FOXP2: variants seen among roughly 807,000 people sequenced by gnomAD.
FOXP2 encodes the protein forkhead box protein P2.
FOXP2 carries 12 observed loss-of-function variants against 115.8 expected under a neutral mutation model. That is an observed-to-expected ratio of 0.10 (90% CI 0.07 to 0.17). The LOEUF (loss-of-function observed/expected upper bound fraction) is 0.17. Ranked by LOEUF, FOXP2 falls within the 10% of genes least tolerant of loss-of-function variation. FOXP2 has a pLI of 1.00. For missense variants in FOXP2, 629 were observed against 843.5 expected (o/e 0.75, Z 3.15); for synonymous variants, 328 against 297.7 (o/e 1.10, Z -1.05).
intron 2 of FOXP2, among the ~76,000 whole-genome samples, chr7:114,476,916 A>G (rs1305113678): frequency 6.6e-6 from 1 of 151,974 alleles, no homozygotes; most frequent in Non-Finnish European, 1.5e-5. Context: ...CAGCATCACT[A>G]ATCATCAAAT....
rs139605384 is a variant in FOXP2, at chr7:114,647,598, T to C, written c.1094+2809T>C. On this transcript the variant is annotated intron_variant, in intron 8 of 16. Transcript: ENST00000350908. ...TGAGGAAAATTTTTGAGTTTTAGTG[T>C]AAAGTAGGTGTTGACAGAAGCTAAC... is the stretch of plus-strand genomic sequence containing the variant. Among the ~76,000 whole-genome samples, 8 of 152,030 alleles carry C rather than the reference T, an allele frequency of 5.3e-5. No homozygotes were observed. In the East Asian group the frequency reaches 1.5e-3, roughly 29 times the overall value.
rs144897634 is a variant in FOXP2 at position 114,206,387 on chromosome 7, T to G, written c.-102+43299T>G. ...GACCTGTTGACCTCCTGTCAGTTTC[T>G]CAAACATGCCAGGTTATCTCCTGGT... On this transcript the variant is annotated intron_variant, in intron 1 of 17. Coordinates refer to the FOXP2 transcript ENST00000634411. Among the ~76,000 whole-genome samples the G allele has an allele frequency of 1.5e-3, 230 of 152,264 alleles. 1 individual carries two copies. The highest frequency in any genetic ancestry group is 5.2e-3 in the African/African-American group (216 of 41,548).
intron 2 of FOXP2, among the ~76,000 whole-genome samples, chr7:114,511,313 C>G (rs965239119): frequency 1.3e-5 from 2 of 152,050 alleles, no homozygotes; most frequent in African/African-American, 2.4e-5. Context: ...ATGGAACAAG[C>G]CTGCACGTTC....
intron 2 of FOXP2, among the ~76,000 whole-genome samples, chr7:114,430,820 A>T: frequency 6.6e-6 from 1 of 151,850 alleles, no homozygotes; most frequent in East Asian, 1.9e-4. Flanking sequence ...TACTCGCTTA[A>T]TCTCAATTGA....
chr7:114,475,229 A>T (rs1199668198), intron 2 of FOXP2, among the ~76,000 whole-genome samples: 1 of 152,102 alleles, frequency 6.6e-6, no homozygotes, highest in African/African-American at 2.4e-5. Flanking sequence ...TCAAATTTTT[A>T]AAAATATTTT....
chr7:114,498,861 T>C, intron 2 of FOXP2: 1 of 718,020 alleles, frequency 1.4e-6, no homozygotes, highest in Non-Finnish European at 2.6e-6. Flanking sequence ...ACTGTCCTTG[T>C]TGGGCATCTT....
At chr7:114,417,886 G>A (rs1793418050) in intron 1 of FOXP2, among the ~76,000 whole-genome samples, 1 of 151,926 alleles carries the variant, frequency 6.6e-6, no homozygotes, top group Non-Finnish European at 1.5e-5. Context: ...ATGATACTAT[G>A]AAAGAAATAC....
At chr7:114,482,705 A>G (rs1245753205) in intron 2 of FOXP2, among the ~76,000 whole-genome samples, 1 of 151,620 alleles carries the variant, frequency 6.6e-6, no homozygotes, top group Admixed American at 6.6e-5. Context: ...TGCACAGCAC[A>G]CATGCTCAAT....
At chr7:114,317,083 A>G (rs1033216003) in intron 2 of FOXP2, among the ~76,000 whole-genome samples, 2 of 152,102 alleles carry the variant, frequency 1.3e-5, no homozygotes, top group South Asian at 2.1e-4. Flanking sequence ...ATTTTCAGCT[A>G]TTTGTTTCTG....
At chr7:114,514,208 T>C (rs551271101) in intron 2 of FOXP2, among the ~76,000 whole-genome samples, 1 of 152,210 alleles carries the variant, frequency 6.6e-6, no homozygotes, top group African/African-American at 2.4e-5. Context: ...CATTGCAGAA[T>C]GACTAAATTG....
intron 16 of FOXP2, among the ~76,000 whole-genome samples, chr7:114,687,576 G>A (rs1029442582): frequency 3.3e-5 from 5 of 152,188 alleles, no homozygotes; most frequent in East Asian, 1.9e-4. Context: ...GCAAATTAAA[G>A]CTGTAAGCTA....
intron 2 of FOXP2, among the ~76,000 whole-genome samples, chr7:114,341,284 T>C (rs1446134841): frequency 1.3e-5 from 2 of 151,282 alleles, no homozygotes; most frequent in African/African-American, 4.8e-5. Flanking sequence ...TGCAATGTTT[T>C]CTAACTCAGT....
At chr7:114,683,947 G>A (rs1341657227) in intron 16 of FOXP2, among the ~76,000 whole-genome samples, 1 of 151,970 alleles carries the variant, frequency 6.6e-6, no homozygotes, top group African/African-American at 2.4e-5. Flanking sequence ...TTTTATACAG[G>A]GCAGTGGCAT....
At chr7:114,240,161 G>C (rs1425374351) in intron 1 of FOXP2, among the ~76,000 whole-genome samples, 1 of 152,098 alleles carries the variant, frequency 6.6e-6, no homozygotes, top group Admixed American at 6.6e-5. Flanking sequence ...TCCTTGCTTT[G>C]TAGAAGCAAA....
chr7:114,145,316 T>A (rs1792333792), intron 1 of FOXP2, among the ~76,000 whole-genome samples: 1 of 152,170 alleles, frequency 6.6e-6, no homozygotes, highest in South Asian at 2.1e-4. Flanking sequence ...AAATGATCAA[T>A]AAATCTTCCA....
intron 1 of FOXP2, among the ~76,000 whole-genome samples, chr7:114,280,817 T>C (rs890016410): frequency 3.9e-5 from 6 of 152,160 alleles, no homozygotes; most frequent in African/African-American, 1.4e-4. Context: ...CAAAAATAAT[T>C]ATTATTTTCC....
intron 1 of FOXP2, among the ~76,000 whole-genome samples, chr7:114,280,969 T>A (rs1156576782): frequency 6.6e-6 from 1 of 152,160 alleles, no homozygotes; most frequent in Non-Finnish European, 1.5e-5. Flanking sequence ...TAACCTGTCC[T>A]TAAGCATAGT....
intron 1 of FOXP2, among the ~76,000 whole-genome samples, chr7:114,099,799 C>T (rs1485194815): frequency 6.6e-6 from 1 of 152,068 alleles, no homozygotes; most frequent in African/African-American, 2.4e-5. Flanking sequence ...GACATGTAGG[C>T]CAAAGGATAC....
At chr7:114,234,738 G>T (rs1233513698) in intron 1 of FOXP2, among the ~76,000 whole-genome samples, 2 of 152,222 alleles carry the variant, frequency 1.3e-5, no homozygotes, top group East Asian at 3.9e-4. Flanking sequence ...CTCTAATCTG[G>T]CTCACTGGCT....
Sources: allele counts gnomAD v4.1 joint callset (sites outside exome capture counted in the v4.1 genomes callset), GRCh38; gene constraint gnomAD v4.1.1; transcripts MANE v1.5; gene names NCBI Gene and HGNC (gene_info 2026-07-23, HGNC 2026-07-21).